The following SLC13A4 variants were observed in gnomAD, a reference collection of about 807,000 sequenced individuals.
SLC13A4 encodes Na(+)/sulfate cotransporter SUT-1.
A neutral mutation model predicts 72.7 loss-of-function variants in SLC13A4; 28 were observed. The ratio of observed to expected loss-of-function variants is 0.39; its 90% CI spans 0.29 to 0.53. SLC13A4 has a LOEUF of 0.53. SLC13A4 is among the 20% of genes least tolerant of loss of function. The pLI, the probability that SLC13A4 is intolerant of heterozygous loss-of-function variation, is 0.78. For synonymous variants in SLC13A4, 312 were observed against 325.5 expected, an observed-to-expected ratio of 0.96 and a Z score of 0.45; for missense variants, 653 against 788.0, an observed-to-expected ratio of 0.83 and a Z score of 2.05.
At chr7:135,711,748 GTGTTTT>G (rs138082425) in intron 2 of SLC13A4, among the ~76,000 whole-genome samples, 46 of 152,046 alleles carry the variant, frequency 3.0e-4, no homozygotes, top group East Asian at 7.8e-4. Context: ...ATTTCTTGTC[GTGTTTT>G]TGTTTTTGTT....
chr7:135,726,244 C>T (rs1053489381), intron 1 of SLC13A4, among the ~76,000 whole-genome samples: 1 of 152,144 alleles, frequency 6.6e-6, no homozygotes, highest in African/African-American at 2.4e-5. Flanking sequence ...AGAAAATTGA[C>T]TAGGGTACAG....
At chr7:135,711,780 CAGAG>C (rs936528794) in intron 2 of SLC13A4, among the ~76,000 whole-genome samples, 1 of 151,876 alleles carries the variant, frequency 6.6e-6, no homozygotes, top group African/African-American at 2.4e-5. Context: ...TTTTTTGAGA[CAGAG>C]AGTTGTTCTG....
At chr7:135,701,528 T>C (rs2129494494) in intron 7 of SLC13A4, 152 bp downstream of exon 7, 2 of 722,924 alleles carry the variant, frequency 2.8e-6, no homozygotes, top group Non-Finnish European at 2.4e-6. Flanking sequence ...CTCACCTCCA[T>C]GGCGCACACA....
intron 1 of SLC13A4, among the ~76,000 whole-genome samples, chr7:135,724,093 C>T (rs968200372): frequency 3.3e-5 from 5 of 152,168 alleles, no homozygotes; most frequent in Admixed American, 6.5e-5. Flanking sequence ...AAATGTCTGC[C>T]CCTCACTGGG....
intron 2 of SLC13A4, among the ~76,000 whole-genome samples, chr7:135,710,490 A>G (rs1796275551): frequency 6.6e-6 from 1 of 152,084 alleles, no homozygotes; most frequent in African/African-American, 2.4e-5. Context: ...AAGGACTAAT[A>G]TAAGAATATC....
intron 10 of SLC13A4, chr7:135,693,556 T>C (rs1277054565): frequency 1.3e-5 from 2 of 152,254 alleles, no homozygotes; most frequent in African/African-American, 4.8e-5. Context: ...AATAAGACAG[T>C]GTCTACCTGG....
chr7:135,682,212 C>A (rs925151870), intron 15 of SLC13A4, among the ~76,000 whole-genome samples: 1 of 152,180 alleles, frequency 6.6e-6, no homozygotes, highest in Non-Finnish European at 1.5e-5. Context: ...CTCTGCTCAG[C>A]TCTTCCTCAA....
At chr7:135,685,203 G>A (rs1164901063) in intron 14 of SLC13A4, among the ~76,000 whole-genome samples, 13 of 152,242 alleles carry the variant, frequency 8.5e-5, no homozygotes, top group East Asian at 5.8e-4. Context: ...TAATGATTGC[G>A]GGGAATTGAA....
Position 135,712,537 on chromosome 7 carries a change from C to T in SLC13A4, c.229-4287G>A, listed in dbSNP as rs549461781. Among the ~76,000 whole-genome samples, 18 of 151,298 alleles carry T rather than the reference C, an allele frequency of 1.2e-4. No individual in the cohort carries two copies. In the South Asian group the frequency reaches 2.3e-3, roughly 19 times the overall value. The stretch of plus-strand genomic sequence containing the variant: ...AGGTTATTACAGAGATTAAATGACA[C>T]GTGCAAACCAGCTGGCATGGCCTGC... On this transcript the variant is annotated intron_variant, in intron 2 of 15. Transcript: ENST00000682651.
chr7:135,705,689 G>A (rs73160728), intron 4 of SLC13A4, 39 bp from the exon 5 acceptor site: 100,990 of 1,591,598 alleles, frequency 0.063, 3,503 homozygotes, highest in South Asian at 0.079. Flanking sequence ...GAGAGGTGGA[G>A]GCTGGGGCTG....
At chr7:135,702,734 A>G (rs1796067367) in intron 6 of SLC13A4, 111 bp downstream of exon 6, 5 of 883,106 alleles carry the variant, frequency 5.7e-6, no homozygotes, top group South Asian at 1.4e-5. Context: ...AAGGAACTCT[A>G]AGGTGGATCT....
At chr7:135,711,282 C>T (rs190943580) in intron 2 of SLC13A4, among the ~76,000 whole-genome samples, 4 of 152,206 alleles carry the variant, frequency 2.6e-5, no homozygotes, top group Admixed American at 1.3e-4. Context: ...TGTCTTTCCC[C>T]AGGGACTGAC....
chr7:135,727,550 C>T lies in SLC13A4; in HGVS notation c.-54G>A, dbSNP rs140854581. On this transcript the variant is annotated 5_prime_UTR_variant, in exon 1 of 16. Transcript: ENST00000682651. ...TGGACCCCGCTCTGCCGGCGAAAGGCTTCCTGCCTGGGCACTGCTCTCTAT... is the reference window on the plus strand; with the variant it reads ...TGGACCCCGCTCTGCCGGCGAAAGGTTTCCTGCCTGGGCACTGCTCTCTAT... 8.0e-4 allele frequency: 1,209 copies of T among 1,519,996 alleles called. 6 individuals carry two copies. In the African/African-American group the frequency reaches 0.015, roughly 19 times the overall value. The allele number at this position is 1,519,996 out of a possible 1,614,324, so 94.2% of individuals were successfully genotyped here.
At chr7:135,701,783 A>C in intron 6 of SLC13A4, 23 bp from the exon 7 acceptor site, 1 of 1,610,780 alleles carries the variant, frequency 6.2e-7, no homozygotes, top group Non-Finnish European at 8.5e-7. Context: ...AGGCCATCTC[A>C]CTATTAGGAA....
chr7:135,682,077 G>A (rs1405786978), intron 15 of SLC13A4, among the ~76,000 whole-genome samples: 2 of 152,176 alleles, frequency 1.3e-5, no homozygotes, highest in Admixed American at 6.5e-5. Context: ...GCCCCGATGC[G>A]TTAATACAGG....
At chr7:135,715,032 ATGTG>A (rs1001207249) in intron 2 of SLC13A4, among the ~76,000 whole-genome samples, 1 of 149,764 alleles carries the variant, frequency 6.7e-6, no homozygotes, top group Non-Finnish European at 1.5e-5. Context: ...GTGAGTGTGA[ATGTG>A]TGTGAGGGTA....
intron 5 of SLC13A4, 78 bp from the exon 6 acceptor site, chr7:135,702,962 T>C (rs1796075699): frequency 9.3e-7 from 1 of 1,079,550 alleles, no homozygotes. Context: ...GCATCAGGCG[T>C]TTGGTGTAAG....
chr7:135,708,070 G>C, intron 3 of SLC13A4, 44 bp downstream of exon 3: 1 of 1,598,406 alleles, frequency 6.3e-7, no homozygotes, highest in Non-Finnish European at 8.6e-7. Flanking sequence ...CACACTGGGA[G>C]CTAGAAGGAT....
intron 1 of SLC13A4, among the ~76,000 whole-genome samples, chr7:135,724,530 GGA>G (rs10624974): frequency 5.3e-4 from 76 of 142,224 alleles, no homozygotes; most frequent in African/African-American, 1.5e-3. Context: ...AAAGAAGAAA[GGA>G]GAGAGAGAGA....
Sources: allele counts gnomAD v4.1 joint callset (sites outside exome capture counted in the v4.1 genomes callset), GRCh38; gene constraint gnomAD v4.1.1; transcripts MANE v1.5; gene names NCBI Gene and HGNC (gene_info 2026-07-23, HGNC 2026-07-21).